Variants in MSRA observed in about 807,000 individuals in gnomAD.
MSRA encodes methionine sulfoxide reductase A.
MSRA carries 54 observed loss-of-function variants against 31.3 expected under a neutral mutation model. That is an observed-to-expected ratio of 1.73 (90% CI 1.39 to 2.17). The LOEUF (loss-of-function observed/expected upper bound fraction) is 2.17, where lower values mean the gene tolerates loss of function less well. Ranked by LOEUF, MSRA falls within the 30% of genes most tolerant of loss-of-function variation. The probability of loss-of-function intolerance (pLI) is 0.00; values close to 1 mark genes in which losing one functional copy is unlikely to be tolerated. For missense variants in MSRA, 507 were observed against 300.9 expected (o/e 1.69, Z -5.07); for synonymous variants, 169 against 116.5 (o/e 1.45, Z -2.90).
intron 2 of MSRA, among the ~76,000 whole-genome samples, chr8:10,217,861 C>G (rs1238321420): frequency 3.9e-5 from 6 of 152,122 alleles, no homozygotes; most frequent in African/African-American, 1.2e-4. Context: ...TGAGCCAGAT[C>G]GCGTATACAT....
At chr8:10,130,380 T>A (rs1282097234) in intron 1 of MSRA, among the ~76,000 whole-genome samples, 1 of 152,220 alleles carries the variant, frequency 6.6e-6, no homozygotes, top group African/African-American at 2.4e-5. Flanking sequence ...TGCATGTTGA[T>A]CCCCACTGGG....
intron 1 of MSRA, among the ~76,000 whole-genome samples, chr8:10,193,036 G>A (rs1042018072): frequency 2.0e-5 from 3 of 152,204 alleles, no homozygotes; most frequent in Non-Finnish European, 2.9e-5. Context: ...AAAAGTGACA[G>A]AAAATAGAGA....
intron 3 of MSRA, chr8:10,250,991 A>C (rs1797887531): frequency 6.6e-6 from 1 of 152,550 alleles, no homozygotes; most frequent in Admixed American, 6.5e-5. Flanking sequence ...ATGATGGATC[A>C]TGAAGCATTG....
At chr8:10,245,738 A>T (rs1431614816) in intron 3 of MSRA, among the ~76,000 whole-genome samples, 1 of 152,204 alleles carries the variant, frequency 6.6e-6, no homozygotes, top group African/African-American at 2.4e-5. Flanking sequence ...ATGGTGGTGG[A>T]TGCAGAGAAC....
chr8:10,059,262 C>T (rs567645757), intron 1 of MSRA, among the ~76,000 whole-genome samples: 1 of 152,294 alleles, frequency 6.6e-6, no homozygotes, highest in Admixed American at 6.5e-5. Flanking sequence ...TAATAGCTCA[C>T]ACTTGTTAAG....
intron 5 of MSRA, among the ~76,000 whole-genome samples, chr8:10,335,795 T>G (rs867748048): frequency 6.6e-6 from 1 of 152,328 alleles, no homozygotes. Context: ...TCAGCAGATT[T>G]GGGAGTGCAG....
chr8:10,291,090 G>A (rs550661161), intron 3 of MSRA, among the ~76,000 whole-genome samples: 1 of 152,132 alleles, frequency 6.6e-6, no homozygotes, highest in South Asian at 2.1e-4. Flanking sequence ...CTACTTCTAC[G>A]TACTGGTTTT....
chr8:10,231,072 C>T (rs1363330746), intron 2 of MSRA, among the ~76,000 whole-genome samples: 2 of 152,226 alleles, frequency 1.3e-5, no homozygotes, highest in African/African-American at 4.8e-5. Flanking sequence ...AGGCATCAGC[C>T]ACCGCACCCA....
intron 5 of MSRA, among the ~76,000 whole-genome samples, chr8:10,407,721 G>T (rs1202306373): frequency 6.6e-6 from 1 of 152,106 alleles, no homozygotes; most frequent in African/African-American, 2.4e-5. Flanking sequence ...GGAAATGGTG[G>T]GGCACAGAGT....
intron 1 of MSRA, among the ~76,000 whole-genome samples, chr8:10,160,181 A>C (rs1268081114): frequency 1.3e-5 from 2 of 152,198 alleles, no homozygotes; most frequent in Non-Finnish European, 2.9e-5. Context: ...ATAATCATAC[A>C]GCCCCAACAG....
At chr8:10,327,326 T>C (rs1342909309) in intron 5 of MSRA, among the ~76,000 whole-genome samples, 3 of 152,200 alleles carry the variant, frequency 2.0e-5, no homozygotes, top group African/African-American at 7.2e-5. Flanking sequence ...CATAATTTTA[T>C]CTTAAACTTC....
At chr8:10,245,974 C>T (rs1017811892) in intron 3 of MSRA, among the ~76,000 whole-genome samples, 2 of 152,214 alleles carry the variant, frequency 1.3e-5, no homozygotes, top group African/African-American at 2.4e-5. Context: ...TAAGGAAAAA[C>T]ACTGAAAGCC....
chr8:10,224,916 A>T (rs540493167), intron 2 of MSRA, among the ~76,000 whole-genome samples: 2 of 152,166 alleles, frequency 1.3e-5, no homozygotes, highest in Non-Finnish European at 2.9e-5. Flanking sequence ...CTTTGGGAGG[A>T]TCACCTGAGG....
intron 1 of MSRA, among the ~76,000 whole-genome samples, chr8:10,149,994 C>G (rs1439543902): frequency 9.3e-6 from 1 of 107,314 alleles, no homozygotes; most frequent in African/African-American, 3.4e-5. Flanking sequence ...AGTTAAACCA[C>G]CAAGGGAGGC....
At chr8:10,228,694 G>T (rs954148952) in intron 2 of MSRA, among the ~76,000 whole-genome samples, 2 of 152,144 alleles carry the variant, frequency 1.3e-5, no homozygotes. Context: ...TCCAGAGTCT[G>T]CCTTGGTTCT....
At chr8:10,242,443 A>G (rs751973811) in intron 2 of MSRA, among the ~76,000 whole-genome samples, 12 of 152,192 alleles carry the variant, frequency 7.9e-5, no homozygotes, top group Non-Finnish European at 1.5e-4. Context: ...ATTGGAGTGT[A>G]GCACACAGGG....
chr8:10,086,718 A>T (rs1183882875), intron 1 of MSRA, among the ~76,000 whole-genome samples: 2 of 141,596 alleles, frequency 1.4e-5, no homozygotes, highest in African/African-American at 6.2e-5. Context: ...TTCTAACCTC[A>T]TATTTCACAC....
At chr8:10,270,901 G>A (rs975965822) in intron 3 of MSRA, among the ~76,000 whole-genome samples, 6 of 152,140 alleles carry the variant, frequency 3.9e-5, no homozygotes, top group Admixed American at 6.5e-5. Flanking sequence ...GGAGCCAGGC[G>A]CCTTCCCCAC....
At chr8:10,226,735 T>G (rs1811035534) in intron 2 of MSRA, among the ~76,000 whole-genome samples, 2 of 151,752 alleles carry the variant, frequency 1.3e-5, no homozygotes, top group Non-Finnish European at 2.9e-5. Context: ...TTGTTTGTTT[T>G]TTGTTTTTGT....
Sources: gnomAD v4.1 joint callset for allele counts (sites outside exome capture counted in the v4.1 genomes callset) on GRCh38, gnomAD v4.1.1 for gene constraint, MANE v1.5 for transcripts, NCBI Gene and HGNC (gene_info 2026-07-23, HGNC 2026-07-21) for gene names.